Variants in LYPD6B observed in about 807,000 individuals in gnomAD.
The protein encoded by LYPD6B is LY6/PLAUR domain containing 6B, also known as ly6/PLAUR domain-containing protein 6B.
Under a neutral mutation model 22.8 loss-of-function variants are expected in LYPD6B, and 17 were observed. The observed-to-expected ratio is 0.75, with a 90% CI of 0.51 to 1.12. LYPD6B has a LOEUF of 1.12. LYPD6B is among the 50% of genes most tolerant of loss of function. LYPD6B has a pLI of 0.00. For missense variants in LYPD6B, 221 were observed against 258.3 expected (o/e 0.86, Z 0.99); for synonymous variants, 106 against 91.6 (o/e 1.16, Z -0.90).
intron 1 of LYPD6B, among the ~76,000 whole-genome samples, chr2:149,090,215 T>C (rs1264167768): frequency 6.6e-6 from 1 of 152,230 alleles, no homozygotes; most frequent in African/African-American, 2.4e-5. Flanking sequence ...ATTTCAGAAA[T>C]ATGTGAATTC....
intron 1 of LYPD6B, among the ~76,000 whole-genome samples, chr2:149,106,813 C>T (rs1686495460): frequency 6.6e-6 from 1 of 152,010 alleles, no homozygotes; most frequent in Admixed American, 6.6e-5. Context: ...TTCGTTTCTT[C>T]TGCCTATTTT....
chr2:149,182,818 C>T (rs906516123), intron 3 of LYPD6B, among the ~76,000 whole-genome samples: 2 of 152,176 alleles, frequency 1.3e-5, no homozygotes, highest in African/African-American at 4.8e-5. Context: ...ATTTTAATAG[C>T]CCACATTACT....
intron 1 of LYPD6B, among the ~76,000 whole-genome samples, chr2:149,110,246 C>T (rs1003575657): frequency 6.6e-6 from 1 of 151,958 alleles, no homozygotes; most frequent in African/African-American, 2.4e-5. Context: ...ATAGGGAGTA[C>T]AGTTATAATA....
intron 3 of LYPD6B, among the ~76,000 whole-genome samples, chr2:149,163,558 G>C (rs1156687752): frequency 6.6e-6 from 1 of 152,188 alleles, no homozygotes; most frequent in Non-Finnish European, 1.5e-5. Context: ...ATTTCAATGT[G>C]TTAGCTTTGT....
At chr2:149,190,041 A>G (rs1307374661) in intron 3 of LYPD6B, among the ~76,000 whole-genome samples, 1 of 152,208 alleles carries the variant, frequency 6.6e-6, no homozygotes, top group East Asian at 1.9e-4. Flanking sequence ...GAAATGAGTT[A>G]TACTCTGAGA....
chr2:149,127,404 T>C (rs1026889), intron 1 of LYPD6B, among the ~76,000 whole-genome samples: 46,536 of 152,022 alleles, frequency 0.31, 7,564 homozygotes, highest in Non-Finnish European at 0.36. Flanking sequence ...TGGGACTGCA[T>C]TAGTAACCTT....
intron 1 of LYPD6B, among the ~76,000 whole-genome samples, chr2:149,127,076 A>G (rs61240304): frequency 0.014 from 2,183 of 150,992 alleles, 65 homozygotes; most frequent in African/African-American, 0.05. Flanking sequence ...TAGTTTGCAA[A>G]TCTTTCTGGT....
intron 1 of LYPD6B, among the ~76,000 whole-genome samples, chr2:149,111,119 G>T (rs1284339577): frequency 6.6e-6 from 1 of 152,090 alleles, no homozygotes; most frequent in Non-Finnish European, 1.5e-5. Flanking sequence ...GAGAAAGTAA[G>T]GGAGAGAATA....
intron 1 of LYPD6B, among the ~76,000 whole-genome samples, chr2:149,046,685 T>G (rs555862976): frequency 6.6e-6 from 1 of 152,124 alleles, no homozygotes; most frequent in Non-Finnish European, 1.5e-5. Flanking sequence ...TTTTAGTGAT[T>G]GCTCTAGAGT....
rs567231544 is a variant in LYPD6B, at chr2:149,120,784, C to CTTTTTTTTTT, written c.-66-10087_-66-10078dup. Among the ~76,000 whole-genome samples, 62 of 95,540 alleles carry CTTTTTTTTTT rather than the reference C, an allele frequency of 6.5e-4. 3 individuals carry two copies. Among genetic ancestry groups the CTTTTTTTTTT allele is most frequent in the African/African-American group, 2.1e-3 (45 of 21,280 alleles). The allele number at this position is 95,540 out of a possible 152,430, so 62.7% of individuals were successfully genotyped here. On this transcript the variant is annotated intron_variant, in intron 1 of 6. Coordinates refer to ENST00000409642, the MANE Select transcript of LYPD6B (RefSeq NM_177964.5). ...ATTTTTTGCTACTATGCTACAAAGTCTTTTTTTTTTTTTTTTTTTTTGTGA... is the reference window on the plus strand; with the variant it reads ...ATTTTTTGCTACTATGCTACAAAGTCTTTTTTTTTTTTTTTTTTTTTTTTTTTTTTTGTGA...
intron 1 of LYPD6B, among the ~76,000 whole-genome samples, chr2:149,075,452 G>C (rs1387072164): frequency 6.6e-6 from 1 of 152,146 alleles, no homozygotes. Context: ...GACTTAATGT[G>C]TATGTTTGCA....
chr2:149,169,963 G>C (rs1388907382), intron 3 of LYPD6B, among the ~76,000 whole-genome samples: 1 of 152,178 alleles, frequency 6.6e-6, no homozygotes, highest in Non-Finnish European at 1.5e-5. Flanking sequence ...GGCAATGGGA[G>C]TCTAGGGCCA....
intron 3 of LYPD6B, among the ~76,000 whole-genome samples, chr2:149,203,068 C>T (rs1321849926): frequency 6.6e-6 from 1 of 152,172 alleles, no homozygotes; most frequent in Non-Finnish European, 1.5e-5. Context: ...TAACCATGTG[C>T]TCAGCACATG....
chr2:149,102,304 G>A (rs1408291752), intron 1 of LYPD6B, among the ~76,000 whole-genome samples: 2 of 152,202 alleles, frequency 1.3e-5, no homozygotes, highest in African/African-American at 4.8e-5. Context: ...GAAACAGTGA[G>A]TTAGTATAAA....
At position 149,165,869 on chromosome 2, in the gene LYPD6B, T is replaced by C. The variant is rs1182048695; in HGVS notation, c.77+5034T>C. Reference sequence around the variant, plus strand: ...GTGGTTTTTCTAGAGACAGGGGGATTGGCTATTTAGAGATGGTTGCTAGGC... The same window carrying C: ...GTGGTTTTTCTAGAGACAGGGGGATCGGCTATTTAGAGATGGTTGCTAGGC... On this transcript the variant is annotated intron_variant, in intron 3 of 6. Coordinates refer to ENST00000409642, the MANE Select transcript of LYPD6B (RefSeq NM_177964.5). Among the ~76,000 whole-genome samples the C allele has an allele frequency of 2.0e-5, 3 of 152,294 alleles. No homozygotes were observed. In the East Asian group the frequency reaches 5.8e-4, roughly 29 times the overall value.
At chr2:149,117,596 G>T (rs192221534) in intron 1 of LYPD6B, among the ~76,000 whole-genome samples, 6 of 152,146 alleles carry the variant, frequency 3.9e-5, no homozygotes, top group Non-Finnish European at 8.8e-5. Context: ...GTGTGAAGTG[G>T]TTATGCTTAA....
At chr2:149,085,992 A>G (rs2105417723) in intron 1 of LYPD6B, among the ~76,000 whole-genome samples, 1 of 152,266 alleles carries the variant, frequency 6.6e-6, no homozygotes, top group Middle Eastern at 3.4e-3. Flanking sequence ...GCAACAGGAG[A>G]AAGGTGCATT....
At chr2:149,040,522 G>A (rs565559896) in intron 1 of LYPD6B, among the ~76,000 whole-genome samples, 72 of 152,132 alleles carry the variant, frequency 4.7e-4, no homozygotes, top group South Asian at 2.9e-3. Flanking sequence ...CACTGCACCC[G>A]GCCCCTTATA....
intron 1 of LYPD6B, among the ~76,000 whole-genome samples, chr2:149,055,414 C>T (rs1462381903): frequency 6.6e-6 from 1 of 152,134 alleles, no homozygotes; most frequent in South Asian, 2.1e-4. Context: ...TTAATTTCTA[C>T]CAAAAAGGCC....
Sources: allele counts gnomAD v4.1 joint callset (sites outside exome capture counted in the v4.1 genomes callset), GRCh38; gene constraint gnomAD v4.1.1; transcripts MANE v1.5; gene names NCBI Gene and HGNC (gene_info 2026-07-23, HGNC 2026-07-21).